The following CHEK2 variants were observed in gnomAD, a reference collection of about 807,000 sequenced individuals.
The protein encoded by CHEK2 is serine/threonine-protein kinase Chk2.
A neutral mutation model predicts 69.1 loss-of-function variants in CHEK2; 71 were observed. That is an observed-to-expected ratio of 1.03 (90% CI 0.85 to 1.25). The LOEUF (loss-of-function observed/expected upper bound fraction) is 1.25. Ranked by LOEUF, CHEK2 falls within the 50% of genes most tolerant of loss-of-function variation. CHEK2 has a pLI of 0.00. For missense variants in CHEK2, 664 were observed against 649.6 expected, an observed-to-expected ratio of 1.02 and a Z score of -0.24; for synonymous variants, 189 against 226.9, an observed-to-expected ratio of 0.83 and a Z score of 1.50.
At chr22:28,715,659 A>C (rs1288567329) in intron 5 of CHEK2, among the ~76,000 whole-genome samples, 1 of 152,046 alleles carries the variant, frequency 6.6e-6, no homozygotes, top group Non-Finnish European at 1.5e-5. Context: ...ACCTCAAGTG[A>C]TCCACCAGCC....
intron 1 of CHEK2, among the ~76,000 whole-genome samples, chr22:28,736,681 T>C (rs1316049958): frequency 6.6e-6 from 1 of 152,168 alleles, no homozygotes; most frequent in African/African-American, 2.4e-5. Context: ...GGCTCATACC[T>C]GTAATCCCAG....
intron 13 of CHEK2, among the ~76,000 whole-genome samples, chr22:28,692,152 C>T (rs1360093553): frequency 1.3e-5 from 2 of 152,212 alleles, no homozygotes; most frequent in Non-Finnish European, 2.9e-5. Context: ...TCATAAATTT[C>T]AGGCAGATGC....
At chr22:28,736,401 G>C (rs5762763) in intron 1 of CHEK2, among the ~76,000 whole-genome samples, 40,814 of 152,046 alleles carry the variant, frequency 0.27, 6,991 homozygotes, top group Middle Eastern at 0.41. Flanking sequence ...ACACCTGTTC[G>C]TTCAATCTAT....
At chr22:28,692,010 C>T (rs1254571796) in intron 13 of CHEK2, among the ~76,000 whole-genome samples, 1 of 152,234 alleles carries the variant, frequency 6.6e-6, no homozygotes, top group Non-Finnish European at 1.5e-5. Context: ...CCTCCTTTCA[C>T]TGCAAAAACA....
intron 1 of CHEK2, among the ~76,000 whole-genome samples, chr22:28,741,145 T>C (rs1216433303): frequency 8.6e-6 from 1 of 115,744 alleles, no homozygotes; most frequent in East Asian, 2.4e-4. Context: ...AGAGACTCCG[T>C]CTCAAAAAAA....
At chr22:28,722,342 C>T (rs941204512) in intron 4 of CHEK2, among the ~76,000 whole-genome samples, 2 of 151,626 alleles carry the variant, frequency 1.3e-5, no homozygotes, top group Admixed American at 6.6e-5. Context: ...AGATGGAGAC[C>T]ATCCTGGCTA....
chr22:28,708,878 G>A (rs1223509154), intron 7 of CHEK2: 4 of 298,956 alleles, frequency 1.3e-5, no homozygotes, highest in South Asian at 2.8e-5. Context: ...GCGTGAACCC[G>A]GGAGGTGGAG....
chr22:28,727,583 C>G (rs1221517302), intron 2 of CHEK2, among the ~76,000 whole-genome samples: 1 of 152,088 alleles, frequency 6.6e-6, no homozygotes, highest in Admixed American at 6.6e-5. Context: ...GCAAGGCAGA[C>G]TAGGGAAAAT....
In CHEK2 at chr22:28,725,316, C is replaced by T. The variant is rs754768271; in HGVS notation, c.371G>A (p.Cys124Tyr). The change falls in exon 3 of 15, where the codon TGC (cysteine) becomes TAC (tyrosine). Residue 124 changes from cysteine to tyrosine, a missense_variant. Physicochemically the swap from Cys to Tyr is radical, Grantham distance 194. Coordinates refer to ENST00000404276, the MANE Select transcript of CHEK2 (RefSeq NM_007194.4). ...TCTTTTCAGCAGTGGTTCATCAAAG[C>T]AATATTCACAGCTTTTGTCCCTCCC... is the stretch of plus-strand genomic sequence containing the variant. ...WFGRDKSCEY[C>Y]FDEPLLKRTD... 1 of 1,614,068 alleles carries T rather than the reference C, an allele frequency of 6.2e-7. No individual in the cohort carries two copies. Among genetic ancestry groups the T allele is most frequent in the Non-Finnish European group, 8.5e-7 (1 of 1,179,952 alleles).
intron 4 of CHEK2, among the ~76,000 whole-genome samples, chr22:28,722,009 G>A (rs966996079): frequency 1.3e-5 from 2 of 152,086 alleles, no homozygotes; most frequent in African/African-American, 4.8e-5. Flanking sequence ...GAGATTACAG[G>A]CATGAGCTAC....
intron 4 of CHEK2, chr22:28,721,532 C>A: frequency 2.4e-6 from 1 of 415,574 alleles, no homozygotes; most frequent in Non-Finnish European, 5.0e-6. Flanking sequence ...GGTGATCTGC[C>A]AGCCTCGGCC....
chr22:28,693,582 C>A (rs1007140193), intron 13 of CHEK2, among the ~76,000 whole-genome samples: 2 of 152,100 alleles, frequency 1.3e-5, no homozygotes, highest in Admixed American at 6.5e-5. Context: ...ACAGGAGACT[C>A]GGGGCAGCCA....
intron 7 of CHEK2, among the ~76,000 whole-genome samples, chr22:28,707,830 CTTTTTTTT>C (rs11453597): frequency 9.8e-6 from 1 of 102,466 alleles, no homozygotes; most frequent in Admixed American, 1.2e-4. Context: ...TTGTGTTTAT[CTTTTTTTT>C]TTTTTTTTTT....
chr22:28,729,540 C>CAAAAAAAAAAAAAAAAAAAAAAA (rs58149342), intron 2 of CHEK2, among the ~76,000 whole-genome samples: 15 of 83,076 alleles, frequency 1.8e-4, no homozygotes, highest in East Asian at 7.1e-4. Flanking sequence ...GACTCCATCT[C>CAAAAAAAAAAAAAAAAAAAAAAA]AAAAAAAAAA....
chr22:28,703,626 A>G, intron 7 of CHEK2, 60 bp from the exon 8 acceptor site: 2 of 1,064,718 alleles, frequency 1.9e-6, no homozygotes, highest in Non-Finnish European at 2.9e-6. Context: ...GAAAACCACA[A>G]GAGCTTAGAA....
rs1350580465 is a variant in CHEK2 at position 28,688,004 on chromosome 22, T to G, written c.1543-18A>C. On this transcript the variant is annotated intron_variant, in intron 14 of 14. Transcript: ENST00000404276. ...GTAGAAGGCTGAAAATAAAGGAAAA[T>G]GGAGAAATGTTCAAAAGAAAATCAC... is the stretch of plus-strand genomic sequence containing the variant. 6.4e-7 allele frequency: 1 copy of G among 1,567,680 alleles called. No homozygotes were observed. Among genetic ancestry groups the G allele is most frequent in the East Asian group, 2.2e-5 (1 of 44,700 alleles).
At chr22:28,741,166 A>G (rs1362831637) in intron 1 of CHEK2, among the ~76,000 whole-genome samples, 1 of 151,586 alleles carries the variant, frequency 6.6e-6, no homozygotes, top group Non-Finnish European at 1.5e-5. Flanking sequence ...AAAAAAAAAA[A>G]AAAAAAGGTA....
chr22:28,740,456 G>T (rs1340740095), intron 1 of CHEK2, among the ~76,000 whole-genome samples: 1 of 152,146 alleles, frequency 6.6e-6, no homozygotes, highest in Non-Finnish European at 1.5e-5. Flanking sequence ...TGTCCACATT[G>T]CTCTCCTTGG....
intron 4 of CHEK2, among the ~76,000 whole-genome samples, chr22:28,723,572 T>C (rs1254979585): frequency 8.0e-6 from 1 of 124,862 alleles, no homozygotes; most frequent in East Asian, 2.6e-4. Context: ...CACTCCAGCC[T>C]GGGCGACAGA....
Sources: gnomAD v4.1 joint callset for allele counts (sites outside exome capture counted in the v4.1 genomes callset) on GRCh38, gnomAD v4.1.1 for gene constraint, MANE v1.5 for transcripts, NCBI Gene and HGNC (gene_info 2026-07-23, HGNC 2026-07-21) for gene names.